GPRC5D: variants seen among roughly 807,000 people sequenced by gnomAD.
The protein encoded by GPRC5D is G protein-coupled receptor family C group 5 member D.
GPRC5D carries 20 observed loss-of-function variants against 29.3 expected under a neutral mutation model. That is an observed-to-expected ratio of 0.68 (90% CI 0.48 to 0.99). The LOEUF is 0.99. GPRC5D is among the 50% of genes least tolerant of loss of function. The probability of loss-of-function intolerance (pLI) is 0.00; values close to 1 mark genes in which losing one functional copy is unlikely to be tolerated. For missense variants in GPRC5D, 384 were observed against 423.6 expected, an observed-to-expected ratio of 0.91 and a Z score of 0.82; for synonymous variants, 178 against 171.3, an observed-to-expected ratio of 1.04 and a Z score of -0.30.
At chr12:12,951,041 C>A (rs61914973), upstream of GPRC5D, among the ~76,000 whole-genome samples, 7,454 of 152,096 alleles carry the variant, frequency 0.049, 249 homozygotes, top group Middle Eastern at 0.092. Context: ...ACCCAGGAGG[C>A]AGAGGTTGCA....
At chr12:12,949,436 C>A in intron 1 of GPRC5D, 54 bp downstream of exon 2, 1 of 1,464,128 alleles carries the variant, frequency 6.8e-7, no homozygotes, top group African/African-American at 1.4e-5. Flanking sequence ...TGATTTTTCT[C>A]CTGCTTCTCC....
exon 1 of GPRC5D, chr12:12,950,315 T>A: frequency 6.2e-7 from 1 of 1,612,598 alleles, no homozygotes; most frequent in Non-Finnish European, 8.5e-7. Flanking sequence ...TCCAGAATGA[T>A]GCCCCATGGC....
Position 12,940,809 on chromosome 12 carries a change from TTA to T in GPRC5D, c.1002_1003del (p.Lys335ThrfsTer?). The T allele has an allele frequency of 1.9e-6, 3 of 1,609,462 alleles. No homozygotes were observed. On this transcript the variant is annotated frameshift_variant, in exon 3 of 3. Coordinates refer to ENST00000228887, the Ensembl canonical transcript of GPRC5D. LOFTEE classifies it high-confidence loss of function. ...TCCTGCATCTTGCTGGGGGCTTAGT[TTA>T]GCCTGTGGGATGAAACACTCTTGTG...
chr12:12,940,666 G>C, downstream of GPRC5D: 4 of 668,046 alleles, frequency 6.0e-6, no homozygotes, highest in South Asian at 7.1e-5. Context: ...CAGAAGGTGG[G>C]ATGCTGACTC....
At position 12,944,829 on chromosome 12, in the gene GPRC5D, C is replaced by T. The variant is rs1261602517; in HGVS notation, c.896-2501G>A. The stretch of plus-strand genomic sequence containing the variant: ...TCCTTCCTTCCTTCCTTCCTTCCTT[C>T]CTTCCTTCCTTCCTTCCTTCCTTCT... On this transcript the variant is annotated intron_variant, in intron 1 of 2. Coordinates refer to ENST00000228887, the Ensembl canonical transcript of GPRC5D. Among the ~76,000 whole-genome samples the T allele has an allele frequency of 3.4e-3, 33 of 9,660 alleles. 2 individuals carry two copies. Among genetic ancestry groups the T allele is most frequent in the East Asian group, 5.2e-3 (1 of 192 alleles). The allele number at this position is 9,660 out of a possible 152,430, so 6.3% of individuals were successfully genotyped here.
chr12:12,940,710 G>A (rs1247906914), downstream of GPRC5D: 1 of 911,244 alleles, frequency 1.1e-6, no homozygotes, highest in Non-Finnish European at 1.8e-6. Flanking sequence ...GGCCCCCGTG[G>A]GCTATCAGGG....
rs757127552 is a variant in GPRC5D, at chr12:12,944,798, T to TTCCC, written c.896-2474_896-2471dup. Among the ~76,000 whole-genome samples, 8 of 29,542 alleles carry TTCCC rather than the reference T, an allele frequency of 2.7e-4. 2 individuals are homozygous for TTCCC. Among genetic ancestry groups the TTCCC allele is most frequent in the African/African-American group, 5.8e-4 (8 of 13,702 alleles). The allele number at this position is 29,542 out of a possible 152,430, so 19.4% of individuals were successfully genotyped here. ...CTTCCTTCCTTCCTTCCTTCCTTCC[T>TTCCC]TCCCTTCCTTCCTTCCTTCCTTCCT... On this transcript the variant is annotated intron_variant, in intron 1 of 2. Coordinates refer to ENST00000228887, the Ensembl canonical transcript of GPRC5D.
intron 1 of GPRC5D, among the ~76,000 whole-genome samples, chr12:12,946,440 C>CTCTT (rs148549282): frequency 0.011 from 119 of 10,394 alleles, 3 homozygotes; most frequent in Non-Finnish European, 0.019. Flanking sequence ...CTCTCTTTCT[C>CTCTT]TCTCTCTCTC....
chr12:12,947,762 G>T (rs7313234), intron 1 of GPRC5D, among the ~76,000 whole-genome samples: 13 of 151,994 alleles, frequency 8.6e-5, no homozygotes, highest in African/African-American at 3.1e-4. Flanking sequence ...TCGCCATGTC[G>T]CCCAGGCTGG....
intron 1 of GPRC5D, among the ~76,000 whole-genome samples, chr12:12,947,685 C>T (rs1026786899): frequency 1.3e-5 from 2 of 152,120 alleles, no homozygotes; most frequent in Non-Finnish European, 2.9e-5. Flanking sequence ...CCACCTCAGC[C>T]TCCTGAGTAG....
exon 1 of GPRC5D, chr12:12,949,833 T>A: frequency 6.2e-7 from 1 of 1,613,954 alleles, no homozygotes; most frequent in Non-Finnish European, 8.5e-7. Context: ...AGACGAAGAA[T>A]GTGAGGGCCA....
intron 1 of GPRC5D, chr12:12,947,064 G>A (rs544277941): frequency 2.4e-4 from 37 of 152,230 alleles, no homozygotes; most frequent in African/African-American, 8.4e-4. Context: ...AATCATCTTT[G>A]TTGGGTTCTG....
rs1565477190 is a variant in GPRC5D, at chr12:12,944,829, CCTTCCTTCCTTCCT to C, written c.896-2515_896-2502del. ...TCCTTCCTTCCTTCCTTCCTTCCTT[CCTTCCTTCCTTCCT>C]TCCTTCCTTCTTTCTTTCTTTCTTT... is the stretch of plus-strand genomic sequence containing the variant. On this transcript the variant is annotated intron_variant, in intron 1 of 2. Coordinates refer to ENST00000228887, the Ensembl canonical transcript of GPRC5D. Among the ~76,000 whole-genome samples, 14 of 9,660 alleles carry C rather than the reference CCTTCCTTCCTTCCT, an allele frequency of 1.4e-3. 3 individuals carry two copies. The highest frequency in any genetic ancestry group is 2.2e-3 in the African/African-American group (14 of 6,248). The allele number at this position is 9,660 out of a possible 152,430, so 6.3% of individuals were successfully genotyped here.
intron 1 of GPRC5D, among the ~76,000 whole-genome samples, chr12:12,946,832 T>G (rs1434675175): frequency 2.0e-5 from 3 of 152,100 alleles, no homozygotes; most frequent in Non-Finnish European, 4.4e-5. Context: ...CATAACCCAG[T>G]GGTAAATTAA....
intron 1 of GPRC5D, among the ~76,000 whole-genome samples, chr12:12,946,871 A>C (rs1263993722): frequency 6.6e-6 from 1 of 152,172 alleles, no homozygotes; most frequent in Non-Finnish European, 1.5e-5. Flanking sequence ...TCACAGCTAC[A>C]AACAGCATTA....
At chr12:12,945,739 A>G (rs1332565393) in intron 1 of GPRC5D, among the ~76,000 whole-genome samples, 3 of 152,192 alleles carry the variant, frequency 2.0e-5, no homozygotes, top group Non-Finnish European at 4.4e-5. Context: ...CATGTACACA[A>G]ATTCTTTACC....
intron 1 of GPRC5D, among the ~76,000 whole-genome samples, chr12:12,946,444 CTCTCTCTCTCTT>C (rs1863348388): frequency 6.7e-6 from 1 of 149,390 alleles, no homozygotes; most frequent in Non-Finnish European, 1.5e-5. Flanking sequence ...CTTTCTCTCT[CTCTCTCTCTCTT>C]TCTCTCTTTC....
chr12:12,951,831 A>G (rs918595289), upstream of GPRC5D, among the ~76,000 whole-genome samples: 1 of 152,188 alleles, frequency 6.6e-6, no homozygotes, highest in Non-Finnish European at 1.5e-5. Context: ...AGTCAATCCA[A>G]TGCAGCAGGT....
intron 1 of GPRC5D, among the ~76,000 whole-genome samples, chr12:12,949,107 C>T (rs915921801): frequency 6.6e-6 from 1 of 152,160 alleles, no homozygotes; most frequent in African/African-American, 2.4e-5. Context: ...ACTTGAAGGC[C>T]AATACATCTG....
Sources: gnomAD v4.1 joint callset for allele counts (sites outside exome capture counted in the v4.1 genomes callset) on GRCh38, gnomAD v4.1.1 for gene constraint, MANE v1.5 for transcripts, NCBI Gene and HGNC (gene_info 2026-07-23, HGNC 2026-07-21) for gene names.